EPB41L3: variants seen among roughly 807,000 people sequenced by gnomAD.
The protein encoded by EPB41L3 is erythrocyte membrane protein band 4.1 like 3.
Under a neutral mutation model 127.1 loss-of-function variants are expected in EPB41L3, and 57 were observed. The ratio of observed to expected loss-of-function variants is 0.45; its 90% CI spans 0.36 to 0.56. EPB41L3 has a LOEUF of 0.56. EPB41L3 is among the 20% of genes least tolerant of loss of function. The pLI, the probability that EPB41L3 is intolerant of heterozygous loss-of-function variation, is 0.00. For synonymous variants in EPB41L3, 572 were observed against 549.5 expected (o/e 1.04, Z -0.57); for missense variants, 1,273 against 1,372.2 (o/e 0.93, Z 1.14).
chr18:5,498,896 TA>T (rs1354484114), intron 1 of EPB41L3, among the ~76,000 whole-genome samples: 64 of 152,342 alleles, frequency 4.2e-4, no homozygotes, highest in African/African-American at 1.5e-3. Flanking sequence ...AGGCATAATT[TA>T]AATACTGCAT....
intron 16 of EPB41L3, among the ~76,000 whole-genome samples, chr18:5,404,909 AT>A (rs1433774064): frequency 2.0e-5 from 3 of 152,224 alleles, no homozygotes; most frequent in Admixed American, 1.3e-4. Context: ...TCATGAGAGC[AT>A]AACTGAATAT....
intron 16 of EPB41L3, 112 bp from the exon 17 acceptor site, chr18:5,398,255 G>T: frequency 8.2e-7 from 1 of 1,219,756 alleles, no homozygotes; most frequent in Non-Finnish European, 1.2e-6. Flanking sequence ...CAGGGAGGAG[G>T]AAGAACGAAG....
At chr18:5,589,657 T>C (rs933750454) in intron 3 of EPB41L3, among the ~76,000 whole-genome samples, 1 of 152,340 alleles carries the variant, frequency 6.6e-6, no homozygotes, top group East Asian at 1.9e-4. Context: ...GCTTTAATTA[T>C]CAATTTTCTA....
rs1032811644 is a variant in EPB41L3 at position 5,460,107 on chromosome 18, T to C, written c.382-14863A>G. Reference sequence around the variant, plus strand: ...TCTATTGTCCCTATTTTTGTGTCCATGTATGCCCAGTGTTTAGCTCCTACT... The same window carrying C: ...TCTATTGTCCCTATTTTTGTGTCCACGTATGCCCAGTGTTTAGCTCCTACT... On this transcript the variant is annotated intron_variant, in intron 3 of 22. Coordinates refer to ENST00000341928, the MANE Select transcript of EPB41L3 (RefSeq NM_012307.5). Among the ~76,000 whole-genome samples, 8 of 152,330 alleles carry C rather than the reference T, an allele frequency of 5.3e-5. 1 individual carries two copies. The highest frequency in any genetic ancestry group is 4.6e-4 in the Admixed American group (7 of 15,302).
In EPB41L3 at chr18:5,591,595, A is replaced by G. The variant is rs1940993; in HGVS notation, c.-306+20745T>C. ...GGGGAAATACAAACATTCAGATTCT[A>G]GCAAGGGAAGATATTTTCTTGGAGG... On this transcript the variant is annotated intron_variant, in intron 3 of 21. Transcript: ENST00000545076. Among the ~76,000 whole-genome samples, 605 of 152,360 alleles carry G rather than the reference A, an allele frequency of 4.0e-3. 4 individuals are homozygous for G. Among genetic ancestry groups the G allele is most frequent in the African/African-American group, 0.014 (577 of 41,584 alleles).
intron 2 of EPB41L3, among the ~76,000 whole-genome samples, chr18:5,488,333 A>C (rs2090118815): frequency 6.6e-6 from 1 of 151,782 alleles, no homozygotes. Context: ...CAAACACCGC[A>C]TGTTCTCACT....
intron 3 of EPB41L3, among the ~76,000 whole-genome samples, chr18:5,605,086 G>T (rs769006434): frequency 6.6e-6 from 1 of 152,024 alleles, no homozygotes; most frequent in African/African-American, 2.4e-5. Flanking sequence ...TAGTCTCTGT[G>T]GGGGAAGAAA....
chr18:5,392,477 C>T lies in EPB41L3; in HGVS notation c.*1008G>A, dbSNP rs567071753. ...GGTGATCGTGTAATGGAGAATCTCT[C>T]TTTTTGAAGGCTATTTATAACTAAC... is the stretch of plus-strand genomic sequence containing the variant. On this transcript the variant is annotated 3_prime_UTR_variant, in exon 23 of 23. Transcript: ENST00000341928. 1.8e-4 allele frequency: 28 copies of T among 152,650 alleles called. No homozygotes were observed. The highest frequency in any genetic ancestry group is 5.5e-4 in the African/African-American group (23 of 41,550). The allele number at this position is 152,650 out of a possible 1,614,324, so 9.5% of individuals were successfully genotyped here.
rs920541028 is a variant in EPB41L3, at chr18:5,428,374, G to A, written c.1004C>T (p.Pro335Leu). Residue 335 changes from proline (P) to leucine (L), a missense_variant, in exon 9 of 23, where the codon CCC becomes CTC. By Grantham distance (98) the Pro-to-Leu change is moderately conservative. Coordinates refer to ENST00000341928, the MANE Select transcript of EPB41L3 (RefSeq NM_012307.5). Reference sequence around the variant, plus strand: ...TTTGTATGAAATCTTTAGAACCTTGGGCCAGGCAAATCTGTTTATTCGCAG... The same window carrying A: ...TTTGTATGAAATCTTTAGAACCTTGAGCCAGGCAAATCTGTTTATTCGCAG... The part of the protein sequence containing the change: ...DRLRINRFAW[P>L]KVLKISYKRN... 4 of 1,614,080 alleles carry A rather than the reference G, an allele frequency of 2.5e-6. No individual in the cohort carries two copies. The highest frequency in any genetic ancestry group is 3.4e-6 in the Non-Finnish European group (4 of 1,180,036).
chr18:5,593,028 G>A (rs2094500380), intron 3 of EPB41L3, among the ~76,000 whole-genome samples: 1 of 152,162 alleles, frequency 6.6e-6, no homozygotes, highest in African/African-American at 2.4e-5. Flanking sequence ...GAGTCATTCA[G>A]AAGGCTTTAA....
upstream of EPB41L3, chr18:5,630,598 G>C: frequency 2.0e-6 from 1 of 489,462 alleles, no homozygotes; most frequent in East Asian, 6.1e-5. Flanking sequence ...CCAGACCCGG[G>C]CTCCTCCCGC....
chr18:5,405,734 C>A (rs2075268189), intron 16 of EPB41L3, among the ~76,000 whole-genome samples: 1 of 151,204 alleles, frequency 6.6e-6, no homozygotes, highest in Non-Finnish European at 1.5e-5. Context: ...GGAGGTCACA[C>A]CACTGCACTT....
intron 1 of EPB41L3, among the ~76,000 whole-genome samples, chr18:5,492,273 T>C (rs1005653903): frequency 2.6e-5 from 4 of 152,040 alleles, no homozygotes; most frequent in African/African-American, 7.3e-5. Flanking sequence ...TGAGCCGAGA[T>C]TGCACCACTG....
intron 5 of EPB41L3, among the ~76,000 whole-genome samples, chr18:5,440,464 C>G (rs1178678697): frequency 6.6e-6 from 1 of 152,154 alleles, no homozygotes; most frequent in Non-Finnish European, 1.5e-5. Context: ...AACAAATCCA[C>G]TGAGAAGGAA....
At chr18:5,592,658 T>C (rs2094496665) in intron 3 of EPB41L3, among the ~76,000 whole-genome samples, 1 of 152,180 alleles carries the variant, frequency 6.6e-6, no homozygotes, top group South Asian at 2.1e-4. Flanking sequence ...AGGCTTCCCA[T>C]AACAGAGGCA....
chr18:5,590,851 T>C (rs2094479061), intron 3 of EPB41L3, among the ~76,000 whole-genome samples: 1 of 152,104 alleles, frequency 6.6e-6, no homozygotes, highest in Non-Finnish European at 1.5e-5. Context: ...TTTGACACCC[T>C]AGAAAACATA....
chr18:5,448,955 AT>A (rs1345397152), intron 3 of EPB41L3, among the ~76,000 whole-genome samples: 2 of 152,196 alleles, frequency 1.3e-5, no homozygotes, highest in Non-Finnish European at 2.9e-5. Context: ...GACTTTTTAC[AT>A]TTTTTCTTTA....
intron 3 of EPB41L3, among the ~76,000 whole-genome samples, chr18:5,559,415 C>G (rs941802023): frequency 6.6e-6 from 1 of 152,116 alleles, no homozygotes; most frequent in Non-Finnish European, 1.5e-5. Flanking sequence ...GCTGTGAACA[C>G]CCAGCTAACT....
chr18:5,536,928 T>C (rs914664443), intron 1 of EPB41L3, among the ~76,000 whole-genome samples: 2 of 152,218 alleles, frequency 1.3e-5, no homozygotes, highest in Non-Finnish European at 1.5e-5. Context: ...AATCTACATA[T>C]GAGTCTGTAT....
Sources: allele counts gnomAD v4.1 joint callset (sites outside exome capture counted in the v4.1 genomes callset), GRCh38; gene constraint gnomAD v4.1.1; transcripts MANE v1.5; gene names NCBI Gene and HGNC (gene_info 2026-07-23, HGNC 2026-07-21).